Variants in PCDH15 observed in about 807,000 individuals in gnomAD.
PCDH15 encodes protocadherin related 15, also known as protocadherin-15.
A neutral mutation model predicts 178.5 loss-of-function variants in PCDH15; 129 were observed. The observed-to-expected ratio is 0.72, with a 90% CI of 0.63 to 0.84. The LOEUF is 0.84. PCDH15 is among the 40% of genes least tolerant of loss of function. The pLI is 0.00. For missense variants in PCDH15, 2,230 were observed against 2,099.9 expected (o/e 1.06, Z -1.21); for synonymous variants, 800 against 732.0 (o/e 1.09, Z -1.50).
chr10:54,555,460 G>A (rs147854864), intron 2 of PCDH15, among the ~76,000 whole-genome samples: 3 of 152,038 alleles, frequency 2.0e-5, no homozygotes, highest in East Asian at 1.9e-4. Flanking sequence ...AGCAGGGCAC[G>A]GTGGCTCACG....
chr10:54,490,561 CAA>C (rs2137112503), intron 3 of PCDH15, among the ~76,000 whole-genome samples: 1 of 151,914 alleles, frequency 6.6e-6, no homozygotes, highest in South Asian at 2.1e-4. Context: ...GATATGTCCT[CAA>C]GTTTATGTTG....
At chr10:55,052,326 G>A (rs1340774474) in intron 2 of PCDH15, among the ~76,000 whole-genome samples, 3 of 2,078 alleles carry the variant, frequency 1.4e-3, no homozygotes, top group South Asian at 0.038. Flanking sequence ...TCCTTACCTC[G>A]TGATCCGCCC....
intron 8 of PCDH15, among the ~76,000 whole-genome samples, chr10:54,273,693 A>G (rs1163313398): frequency 6.6e-6 from 1 of 152,250 alleles, no homozygotes; most frequent in East Asian, 1.9e-4. Context: ...ATAGCCCCAG[A>G]TGGGTGAACA....
chr10:54,689,208 G>A (rs2095070460), intron 1 of PCDH15, among the ~76,000 whole-genome samples: 1 of 151,926 alleles, frequency 6.6e-6, no homozygotes, highest in Non-Finnish European at 1.5e-5. Flanking sequence ...AGATAAAATG[G>A]CTATAAAATA....
intron 8 of PCDH15, among the ~76,000 whole-genome samples, chr10:54,271,616 T>C (rs1181197373): frequency 2.6e-5 from 4 of 152,178 alleles, no homozygotes; most frequent in Admixed American, 2.0e-4. Context: ...TCATTCAGGT[T>C]GGACTCAACA....
chr10:54,903,431 T>C (rs1542351), intron 2 of PCDH15, among the ~76,000 whole-genome samples: 17 of 151,976 alleles, frequency 1.1e-4, no homozygotes, highest in Non-Finnish European at 2.2e-4. Context: ...CAAAGTATAA[T>C]AGCTAAGAAT....
intron 2 of PCDH15, among the ~76,000 whole-genome samples, chr10:55,080,548 G>A (rs1842013149): frequency 6.6e-6 from 1 of 152,084 alleles, no homozygotes; most frequent in Non-Finnish European, 1.5e-5. Context: ...GTGCCATCTG[G>A]GAGTCCTGGG....
intron 2 of PCDH15, among the ~76,000 whole-genome samples, chr10:55,345,907 G>T (rs1193937161): frequency 6.6e-6 from 1 of 151,826 alleles, no homozygotes; most frequent in Non-Finnish European, 1.5e-5. Flanking sequence ...TGTTTGCCCT[G>T]TTTATTGTGG....
intron 2 of PCDH15, among the ~76,000 whole-genome samples, chr10:55,438,555 C>T (rs1474357481): frequency 6.6e-6 from 1 of 151,746 alleles, no homozygotes; most frequent in Admixed American, 6.6e-5. Flanking sequence ...GTTTTTTCCT[C>T]TACAAATAAG....
chr10:55,321,120 A>T (rs189756872), upstream of PCDH15, among the ~76,000 whole-genome samples: 37 of 151,996 alleles, frequency 2.4e-4, no homozygotes, highest in African/African-American at 8.9e-4. Context: ...AGAGAGAGAA[A>T]GAGAAAGGAA....
chr10:54,125,909 T>C (rs2132949667), intron 15 of PCDH15, among the ~76,000 whole-genome samples: 1 of 152,204 alleles, frequency 6.6e-6, no homozygotes, highest in African/African-American at 2.4e-5. Flanking sequence ...AATAATAAAG[T>C]GGAATTTCTT....
intron 1 of PCDH15, among the ~76,000 whole-genome samples, chr10:54,676,646 T>C (rs2094795299): frequency 6.6e-6 from 1 of 152,146 alleles, no homozygotes; most frequent in South Asian, 2.1e-4. Flanking sequence ...ACTAACACTT[T>C]CCCCTTAGAA....
Position 53,959,759 on chromosome 10 carries a change from A to C in PCDH15, c.3095T>G (p.Ile1032Ser). 1 of 1,613,488 alleles carries C rather than the reference A, an allele frequency of 6.2e-7. No individual in the cohort carries two copies. Among genetic ancestry groups the C allele is most frequent in the South Asian group, 1.1e-5 (1 of 91,066 alleles). ...VKILVLHPGE[I>S]PRFTQEEYRP... Reference sequence around the variant, plus strand: ...ATATTCCTCCTGTGTGAAGCGTGGGATCTCACCAGGATGTAAGACAAGAAT... The same window carrying C: ...ATATTCCTCCTGTGTGAAGCGTGGGCTCTCACCAGGATGTAAGACAAGAAT... The change falls in exon 23 of 38, where the codon ATC (isoleucine) becomes AGC (serine). Residue 1032 changes from isoleucine (I) to serine (S), a missense_variant. Transcript: ENST00000644397.
chr10:54,408,153 T>A (rs1479894009), intron 3 of PCDH15, among the ~76,000 whole-genome samples: 3 of 149,710 alleles, frequency 2.0e-5, no homozygotes, highest in African/African-American at 7.5e-5. Flanking sequence ...AGGAACATAA[T>A]TAGCTGTTTT....
chr10:54,108,474 C>G (rs1373287455), intron 15 of PCDH15, among the ~76,000 whole-genome samples: 1 of 152,140 alleles, frequency 6.6e-6, no homozygotes, highest in Non-Finnish European at 1.5e-5. Context: ...TAACCCAAAC[C>G]AGCAGTTGAA....
chr10:54,656,872 A>T (rs567984186), intron 2 of PCDH15, among the ~76,000 whole-genome samples: 1 of 152,108 alleles, frequency 6.6e-6, no homozygotes, highest in Admixed American at 6.5e-5. Flanking sequence ...TGCTCCTCCC[A>T]TCTACTCTTG....
intron 2 of PCDH15, among the ~76,000 whole-genome samples, chr10:54,663,891 T>G (rs1240028362): frequency 6.6e-6 from 1 of 151,916 alleles, no homozygotes; most frequent in Non-Finnish European, 1.5e-5. Context: ...TCCACAGAAA[T>G]TAAGCATTTA....
chr10:54,731,564 A>ATATATATATATATATATATATATG (rs1491229343), intron 1 of PCDH15, among the ~76,000 whole-genome samples: 439 of 43,170 alleles, frequency 0.01, 11 homozygotes, highest in East Asian at 0.027. Flanking sequence ...ATATATATAT[A>ATATATATATATATATATATATATG]CACACACACA....
At chr10:54,745,038 T>A (rs1945274812) in intron 1 of PCDH15, among the ~76,000 whole-genome samples, 1 of 152,158 alleles carries the variant, frequency 6.6e-6, no homozygotes, top group Non-Finnish European at 1.5e-5. Context: ...AACATATATT[T>A]TATGACATGA....
Sources: allele counts gnomAD v4.1 joint callset (sites outside exome capture counted in the v4.1 genomes callset), GRCh38; gene constraint gnomAD v4.1.1; transcripts MANE v1.5; gene names NCBI Gene and HGNC (gene_info 2026-07-23, HGNC 2026-07-21).